The following ZDHHC15 variants were observed in gnomAD, a reference collection of about 807,000 sequenced individuals.
The protein encoded by ZDHHC15 is palmitoyltransferase ZDHHC15.
A neutral mutation model predicts 31.7 loss-of-function variants in ZDHHC15; 19 were observed. That is an observed-to-expected ratio of 0.60 (90% CI 0.42 to 0.88). ZDHHC15 has a LOEUF of 0.88. ZDHHC15 is among the 40% of genes least tolerant of loss of function. The pLI, the probability that ZDHHC15 is intolerant of heterozygous loss-of-function variation, is 0.00. For missense variants in ZDHHC15, 209 were observed against 251.2 expected (o/e 0.83, Z 1.14); for synonymous variants, 103 against 90.0 (o/e 1.14, Z -0.82).
At chrX:75,444,687 T>TATAC (rs2084007375) in intron 4 of ZDHHC15, among the ~76,000 whole-genome samples, 1 of 29,494 alleles carries the variant, frequency 3.4e-5, no homozygotes, top group African/African-American at 1.6e-4. Flanking sequence ...TATATATATA[T>TATAC]ACACACACAC....
At chrX:75,497,160 C>T (rs1426520727) in intron 2 of ZDHHC15, among the ~76,000 whole-genome samples, 1 of 111,379 alleles carries the variant, frequency 9.0e-6, no homozygotes. Context: ...AATATTACAA[C>T]TGATAGCACA....
chrX:75,408,062 A>G (rs1241289848), intron 10 of ZDHHC15, among the ~76,000 whole-genome samples: 3 of 110,540 alleles, frequency 2.7e-5, no homozygotes, highest in African/African-American at 9.9e-5. Flanking sequence ...ACCCAGGGAC[A>G]CAAACACTGC....
At chrX:75,494,117 C>T in intron 2 of ZDHHC15, among the ~76,000 whole-genome samples, 1 of 111,367 alleles carries the variant, frequency 9.0e-6, no homozygotes, top group Non-Finnish European at 1.9e-5. Context: ...ACAAAAATCA[C>T]AAGCATTCTT....
At chrX:75,449,845 A>T (rs1394321552) in intron 4 of ZDHHC15, among the ~76,000 whole-genome samples, 1 of 111,900 alleles carries the variant, frequency 8.9e-6, no homozygotes, top group Admixed American at 9.6e-5. Context: ...TATTCCCCAT[A>T]CCTCTGTATG....
At chrX:75,519,623 C>T (rs921566804) in intron 1 of ZDHHC15, among the ~76,000 whole-genome samples, 1 of 111,946 alleles carries the variant, frequency 8.9e-6, no homozygotes, top group African/African-American at 3.2e-5. Flanking sequence ...CAGGTTTTAT[C>T]CCTGGAAAGA....
intron 10 of ZDHHC15, among the ~76,000 whole-genome samples, chrX:75,383,045 T>A (rs1182073260): frequency 9.0e-6 from 1 of 111,578 alleles, no homozygotes; most frequent in Admixed American, 9.5e-5. Flanking sequence ...CAAGTGGTCC[T>A]TAAAAGATCT....
At chrX:75,438,083 C>T (rs2083888519) in intron 4 of ZDHHC15, among the ~76,000 whole-genome samples, 1 of 111,944 alleles carries the variant, frequency 8.9e-6, no homozygotes, top group South Asian at 3.7e-4. Flanking sequence ...AATGAGATAC[C>T]ATCTCACACC....
intron 10 of ZDHHC15, among the ~76,000 whole-genome samples, chrX:75,385,647 A>G (rs1450948308): frequency 9.0e-6 from 1 of 111,127 alleles, no homozygotes; most frequent in Non-Finnish European, 1.9e-5. Context: ...GAGTCAGGCT[A>G]CTTTCTTCAT....
chrX:75,431,697 G>C (rs1003826503), intron 4 of ZDHHC15, among the ~76,000 whole-genome samples, 177 bp from the exon 5 acceptor site: 1 of 110,910 alleles, frequency 9.0e-6, no homozygotes, highest in Non-Finnish European at 1.9e-5. Context: ...TTTTTTCCTT[G>C]TTGTATCCAA....
intron 3 of ZDHHC15, among the ~76,000 whole-genome samples, chrX:75,468,344 C>T (rs1412142601): frequency 3.6e-5 from 4 of 111,759 alleles, no homozygotes; most frequent in Non-Finnish European, 5.6e-5. Context: ...GAGCCCAGCC[C>T]TGGCATAATG....
At chrX:75,437,171 G>A (rs906468178) in intron 4 of ZDHHC15, among the ~76,000 whole-genome samples, 12 of 111,428 alleles carry the variant, frequency 1.1e-4, no homozygotes, top group South Asian at 7.7e-4. Flanking sequence ...CTGAGCCACC[G>A]CGCCAAGCCC....
At chrX:75,500,944 C>T (rs2085078384) in intron 2 of ZDHHC15, among the ~76,000 whole-genome samples, 1 of 110,350 alleles carries the variant, frequency 9.1e-6, no homozygotes, top group East Asian at 2.9e-4. Context: ...GAATCTGACA[C>T]AAAGCAGATC....
chrX:75,403,677 T>G (rs2083381853), intron 10 of ZDHHC15, among the ~76,000 whole-genome samples: 1 of 110,534 alleles, frequency 9.0e-6, no homozygotes, highest in South Asian at 3.8e-4. Flanking sequence ...ACCAGGGAGG[T>G]GAAAGATCTC....
chrX:75,508,661 C>T (rs1406784391), intron 1 of ZDHHC15, among the ~76,000 whole-genome samples: 1 of 110,205 alleles, frequency 9.1e-6, no homozygotes, highest in East Asian at 2.9e-4. Context: ...GGGTATATAC[C>T]CAGTAATGGG....
At chrX:75,496,275 A>T (rs1367717925) in intron 2 of ZDHHC15, among the ~76,000 whole-genome samples, 1 of 111,914 alleles carries the variant, frequency 8.9e-6, no homozygotes, top group South Asian at 3.7e-4. Context: ...TTATATAATG[A>T]TGAAAAATTT....
At chrX:75,463,166 A>G (rs1460656241) in intron 3 of ZDHHC15, among the ~76,000 whole-genome samples, 1 of 111,122 alleles carries the variant, frequency 9.0e-6, no homozygotes, top group African/African-American at 3.3e-5. Flanking sequence ...AATTTAGAAT[A>G]AATTCCGGGG....
chrX:75,419,484 C>A (rs868269937), intron 9 of ZDHHC15, among the ~76,000 whole-genome samples: 15 of 110,807 alleles, frequency 1.4e-4, no homozygotes, highest in Non-Finnish European at 1.7e-4. Context: ...AATAGGAACA[C>A]TTTTATACTG....
At chrX:75,427,432 C>A (rs2083727811) in intron 7 of ZDHHC15, among the ~76,000 whole-genome samples, 1 of 111,840 alleles carries the variant, frequency 8.9e-6, no homozygotes, top group Non-Finnish European at 1.9e-5. Flanking sequence ...ACCTGGCTGG[C>A]ATTGTGACAT....
chrX:75,425,698 C>G (rs1271296293), intron 7 of ZDHHC15, among the ~76,000 whole-genome samples: 1 of 111,655 alleles, frequency 9.0e-6, no homozygotes, highest in East Asian at 2.8e-4. Context: ...CAATTGCTCT[C>G]TAGTAATAAA....
Sources: gnomAD v4.1 joint callset for allele counts (sites outside exome capture counted in the v4.1 genomes callset) on GRCh38, gnomAD v4.1.1 for gene constraint, MANE v1.5 for transcripts, NCBI Gene and HGNC (gene_info 2026-07-23, HGNC 2026-07-21) for gene names.